Variants in ZNF148 observed in about 807,000 individuals in gnomAD.
The protein encoded by ZNF148 is zinc finger protein 148.
Under a neutral mutation model 67.7 loss-of-function variants are expected in ZNF148, and 7 were observed. The observed-to-expected ratio is 0.10, with a 90% confidence interval of 0.06 to 0.19. The LOEUF (loss-of-function observed/expected upper bound fraction) is 0.19. Ranked by LOEUF, ZNF148 falls within the 10% of genes least tolerant of loss-of-function variation. ZNF148 has a pLI of 1.00. For synonymous variants in ZNF148, 333 were observed against 330.7 expected, an observed-to-expected ratio of 1.01 and a Z score of -0.08; for missense variants, 583 against 947.1, an observed-to-expected ratio of 0.62 and a Z score of 5.05.
At chr3:125,333,764 C>T (rs1227362456) in intron 1 of ZNF148, among the ~76,000 whole-genome samples, 1 of 152,178 alleles carries the variant, frequency 6.6e-6, no homozygotes, top group African/African-American at 2.4e-5. Context: ...CAGATTAAGA[C>T]TAAAAATATA....
chr3:125,289,646 T>C (rs947479851), intron 4 of ZNF148, among the ~76,000 whole-genome samples: 23 of 152,134 alleles, frequency 1.5e-4, no homozygotes, highest in African/African-American at 5.6e-4. Context: ...TAACAGACTA[T>C]GTAAGCAGCT....
intron 7 of ZNF148, among the ~76,000 whole-genome samples, chr3:125,261,390 G>C (rs1201349059): frequency 6.6e-6 from 1 of 152,146 alleles, no homozygotes; most frequent in Non-Finnish European, 1.5e-5. Context: ...GAGTAACACA[G>C]TCAGGTGAAT....
intron 1 of ZNF148, among the ~76,000 whole-genome samples, chr3:125,333,833 T>C (rs956298534): frequency 1.6e-4 from 24 of 152,252 alleles, no homozygotes; most frequent in African/African-American, 3.4e-4. Flanking sequence ...TTTATGCCTA[T>C]AGCTAAACGC....
intron 7 of ZNF148, among the ~76,000 whole-genome samples, chr3:125,275,961 G>C (rs1372794977): frequency 2.0e-5 from 3 of 152,134 alleles, no homozygotes; most frequent in Admixed American, 6.5e-5. Context: ...ATAGTATCTT[G>C]AGAATTTTGT....
chr3:125,234,103 G>A, intron 8 of ZNF148, 108 bp downstream of exon 8: 1 of 1,209,828 alleles, frequency 8.3e-7, no homozygotes, highest in Non-Finnish European at 1.1e-6. Flanking sequence ...TAATCTGTAA[G>A]AGTTAGAAGG....
intron 7 of ZNF148, among the ~76,000 whole-genome samples, chr3:125,264,208 T>C (rs189924693): frequency 6.6e-6 from 1 of 152,344 alleles, no homozygotes; most frequent in East Asian, 1.9e-4. Flanking sequence ...TAAACTGTTA[T>C]AGCAAATTAT....
chr3:125,341,619 A>G (rs943390738), intron 1 of ZNF148, among the ~76,000 whole-genome samples: 3 of 152,082 alleles, frequency 2.0e-5, no homozygotes, highest in Non-Finnish European at 4.4e-5. Flanking sequence ...AATAAAATAA[A>G]TAAGCAAATA....
intron 5 of ZNF148, among the ~76,000 whole-genome samples, chr3:125,286,425 A>T (rs1440349858): frequency 6.6e-6 from 1 of 152,208 alleles, no homozygotes; most frequent in African/African-American, 2.4e-5. Flanking sequence ...GAGAATGCAG[A>T]CAGATACACC....
rs1276583993 is a variant in ZNF148 at position 125,234,421 on chromosome 3, G to T, written c.668-92C>A. 7.8e-6 allele frequency: 7 copies of T among 901,940 alleles called. No homozygotes were observed. In the African/African-American group the frequency reaches 1.0e-4, roughly 13 times the overall value. 55.9% of individuals were successfully genotyped at this position (901,940 alleles called of 1,614,324 possible). A position where few individuals can be genotyped will look rare whatever the true frequency, so the allele number is the denominator to read the frequency against. On this transcript the variant is annotated intron_variant, in intron 7 of 8. Coordinates refer to ENST00000360647, the MANE Select transcript of ZNF148 (RefSeq NM_021964.3). ...AGAATCTCTAAAATAAATGGCTTTT[G>T]AAAGTTGTAACTTCCAATTTCATTT...
intron 5 of ZNF148, among the ~76,000 whole-genome samples, chr3:125,287,494 C>G (rs764926943): frequency 1.4e-4 from 22 of 152,092 alleles, no homozygotes; most frequent in Non-Finnish European, 2.6e-4. Context: ...CAAAAATTAG[C>G]CAGGCATGTT....
chr3:125,235,288 A>G (rs1404591809), intron 7 of ZNF148, among the ~76,000 whole-genome samples: 1 of 152,230 alleles, frequency 6.6e-6, no homozygotes, highest in Non-Finnish European at 1.5e-5. Context: ...AAAACAAGAT[A>G]CACACATTTT....
intron 4 of ZNF148, among the ~76,000 whole-genome samples, chr3:125,294,720 C>T (rs139969463): frequency 7.9e-4 from 120 of 152,108 alleles, no homozygotes; most frequent in African/African-American, 2.7e-3. Context: ...TACAGTAACA[C>T]TATGTTAAGA....
At chr3:125,370,351 G>C (rs942524406) in intron 1 of ZNF148, among the ~76,000 whole-genome samples, 4 of 152,044 alleles carry the variant, frequency 2.6e-5, no homozygotes, top group Non-Finnish European at 5.9e-5. Context: ...TACCCCCAAA[G>C]TACTCAGCAA....
chr3:125,284,756 GC>G, intron 5 of ZNF148, among the ~76,000 whole-genome samples: 1 of 152,258 alleles, frequency 6.6e-6, no homozygotes, highest in African/African-American at 2.4e-5. Context: ...TCTTAAAACA[GC>G]TAATTCCACA....
chr3:125,268,743 GC>G (rs1937597752), intron 7 of ZNF148, among the ~76,000 whole-genome samples: 1 of 152,114 alleles, frequency 6.6e-6, no homozygotes, highest in Admixed American at 6.5e-5. Flanking sequence ...ACTTTGGGAG[GC>G]CAAAGTAAGA....
At chr3:125,297,324 G>A (rs1034374192) in intron 4 of ZNF148, among the ~76,000 whole-genome samples, 16 of 151,922 alleles carry the variant, frequency 1.1e-4, no homozygotes, top group Non-Finnish European at 2.1e-4. Flanking sequence ...AAATGGGAAC[G>A]GAAAACCATA....
At chr3:125,292,679 A>T (rs1939078434) in intron 4 of ZNF148, 1 of 152,348 alleles carries the variant, frequency 6.6e-6, no homozygotes, top group African/African-American at 2.4e-5. Flanking sequence ...AAAAAAGGAA[A>T]GACTGAAAAT....
Position 125,230,295 on chromosome 3 carries a change from G to T in ZNF148, c.*2046C>A, listed in dbSNP as rs1469270615. ...CCAATGCCTATTTAGGGTGAGCACA[G>T]TTCCATTTTTAACGTATCACCTGAA... On this transcript the variant is annotated 3_prime_UTR_variant, in exon 9 of 9. Transcript: ENST00000360647. The T allele has an allele frequency of 6.6e-6, 1 of 152,502 alleles. No homozygotes were observed. The highest frequency in any genetic ancestry group is 2.4e-5 in the African/African-American group (1 of 41,418). 9.4% of individuals were successfully genotyped at this position (152,502 alleles called of 1,614,324 possible).
intron 7 of ZNF148, among the ~76,000 whole-genome samples, chr3:125,244,600 T>C (rs1936513038): frequency 6.6e-6 from 1 of 151,886 alleles, no homozygotes; most frequent in Non-Finnish European, 1.5e-5. Context: ...CTGGTTTAAG[T>C]GATTCTCCTG....
Sources: gnomAD v4.1 joint callset for allele counts (sites outside exome capture counted in the v4.1 genomes callset) on GRCh38, gnomAD v4.1.1 for gene constraint, MANE v1.5 for transcripts, NCBI Gene and HGNC (gene_info 2026-07-23, HGNC 2026-07-21) for gene names.